Variants in CSMD1 observed in about 807,000 individuals in gnomAD.
CSMD1 encodes the protein CUB and Sushi multiple domains 1.
A neutral mutation model predicts 417.5 loss-of-function variants in CSMD1; 213 were observed. The ratio of observed to expected loss-of-function variants is 0.51; its 90% CI spans 0.46 to 0.57. The LOEUF is 0.57. Among genes scored for constraint, CSMD1 ranks in the 20% least tolerant of loss-of-function variants. CSMD1 has a pLI of 0.00. For missense variants in CSMD1, 6,923 were observed against 4,529.7 expected (o/e 1.53, Z -15.17); for synonymous variants, 2,862 against 1,736.8 (o/e 1.65, Z -16.11).
chr8:3,079,290 C>T (rs966714055), intron 49 of CSMD1, among the ~76,000 whole-genome samples: 1 of 152,156 alleles, frequency 6.6e-6, no homozygotes, highest in Non-Finnish European at 1.5e-5. Context: ...GACATAATGC[C>T]TACAACCTAT....
chr8:4,765,727 G>C (rs892602672), intron 1 of CSMD1, among the ~76,000 whole-genome samples: 15 of 152,186 alleles, frequency 9.9e-5, no homozygotes, highest in African/African-American at 3.1e-4. Context: ...CAGGCATCAA[G>C]AGGAGGAATT....
At chr8:3,289,511 C>T (rs535527699) in intron 25 of CSMD1, among the ~76,000 whole-genome samples, 5 of 145,008 alleles carry the variant, frequency 3.4e-5, no homozygotes, top group Non-Finnish European at 4.5e-5. Flanking sequence ...TGTTAATGAT[C>T]GCCATTCTAA....
At chr8:4,798,412 T>A (rs1798099982) in intron 1 of CSMD1, among the ~76,000 whole-genome samples, 1 of 152,200 alleles carries the variant, frequency 6.6e-6, no homozygotes, top group Non-Finnish European at 1.5e-5. Context: ...AATATTCTAA[T>A]TTTTAAGGGA....
chr8:4,314,743 A>C (rs1053642226), intron 3 of CSMD1, among the ~76,000 whole-genome samples: 6 of 152,286 alleles, frequency 3.9e-5, no homozygotes, highest in African/African-American at 9.6e-5. Flanking sequence ...TCTCATTTAC[A>C]CATCTGACCC....
intron 1 of CSMD1, among the ~76,000 whole-genome samples, chr8:4,662,759 G>C (rs759935234): frequency 3.9e-5 from 6 of 152,160 alleles, no homozygotes; most frequent in Non-Finnish European, 8.8e-5. Context: ...CGTTCCTATG[G>C]ATGATGCTCA....
rs189697307 is a variant in CSMD1, at chr8:4,903,338, A to G, written c.85+90994T>C. 3.9e-4 allele frequency among the ~76,000 whole-genome samples: 59 copies of G among 152,284 alleles called. 1 individual carries two copies. In the East Asian group the frequency reaches 9.9e-3, roughly 25 times the overall value. The stretch of plus-strand genomic sequence containing the variant: ...TTTATGGATAAAATTACCATCTTTG[A>G]TAAGTAGCTCTTAAATATACCCCTG... On this transcript the variant is annotated intron_variant, in intron 1 of 69. Coordinates refer to ENST00000635120, the MANE Select transcript of CSMD1 (RefSeq NM_033225.6).
chr8:4,022,021 A>T (rs2740931), intron 4 of CSMD1, among the ~76,000 whole-genome samples: 1 of 151,284 alleles, frequency 6.6e-6, no homozygotes, highest in African/African-American at 2.4e-5. Flanking sequence ...CCAACACTGG[A>T]AAGTCCAGGT....
At chr8:4,393,230 C>G (rs992591845) in intron 3 of CSMD1, among the ~76,000 whole-genome samples, 9 of 151,980 alleles carry the variant, frequency 5.9e-5, no homozygotes, top group African/African-American at 1.9e-4. Context: ...CCCACATCAG[C>G]CTCCCAAAGT....
intron 2 of CSMD1, among the ~76,000 whole-genome samples, chr8:4,434,685 A>G (rs945979073): frequency 7.9e-5 from 12 of 152,176 alleles, no homozygotes; most frequent in African/African-American, 2.9e-4. Flanking sequence ...ACTGGAAAGG[A>G]ACAAAGAGTA....
intron 49 of CSMD1, among the ~76,000 whole-genome samples, chr8:3,078,750 C>A (rs1032184339): frequency 1.3e-5 from 2 of 152,118 alleles, no homozygotes; most frequent in African/African-American, 4.8e-5. Context: ...CTACCATGAA[C>A]AAGAAGGGAA....
At chr8:3,790,932 T>A (rs142278300) in intron 5 of CSMD1, among the ~76,000 whole-genome samples, 2 of 152,302 alleles carry the variant, frequency 1.3e-5, no homozygotes, top group East Asian at 1.9e-4. Flanking sequence ...GAGCAACAGA[T>A]GACACCTGTC....
At chr8:3,885,305 A>C (rs1343217436) in intron 5 of CSMD1, among the ~76,000 whole-genome samples, 2 of 152,174 alleles carry the variant, frequency 1.3e-5, no homozygotes, top group Non-Finnish European at 2.9e-5. Context: ...TGACCTTTTC[A>C]GGGGTTTGTC....
intron 2 of CSMD1, among the ~76,000 whole-genome samples, chr8:4,523,099 G>T (rs1247188482): frequency 6.6e-6 from 1 of 152,130 alleles, no homozygotes; most frequent in Admixed American, 6.5e-5. Context: ...TTTGGTGGGT[G>T]GTAGTGGGCC....
At position 3,708,292 on chromosome 8, in the gene CSMD1, A is replaced by G. The variant is rs1801293236; in HGVS notation, c.1009+122T>C. 1.2e-5 allele frequency: 9 copies of G among 734,066 alleles called. No homozygotes were observed. In the East Asian group the frequency reaches 1.8e-4, roughly 15 times the overall value. 45.5% of individuals were successfully genotyped at this position (734,066 alleles called of 1,614,324 possible). A position where few individuals can be genotyped will look rare whatever the true frequency, so the allele number is the denominator to read the frequency against. ...TTTCTCCCAGAAAATACTTTTGGAT[A>G]TAGAAAAGAAGGAAGAGATAACGTG... On this transcript the variant is annotated intron_variant, in intron 7 of 69. Coordinates refer to ENST00000635120, the MANE Select transcript of CSMD1 (RefSeq NM_033225.6).
rs1343161912 is a variant in CSMD1, at chr8:4,724,503, T to C, written c.86-86945A>G. 4.2e-5 allele frequency among the ~76,000 whole-genome samples: 6 copies of C among 142,448 alleles called. No individual in the cohort carries two copies. In the South Asian group the frequency reaches 1.4e-3, roughly 33 times the overall value. 93.5% of individuals were successfully genotyped at this position (142,448 alleles called of 152,430 possible). On this transcript the variant is annotated intron_variant, in intron 1 of 69. Coordinates refer to ENST00000635120, the MANE Select transcript of CSMD1 (RefSeq NM_033225.6). ...TTCATCTTTATAAGTACTAATATAG[T>C]AGCTCTTTATATATATATGTGTGTG...
chr8:4,176,136 T>C (rs965215382), intron 3 of CSMD1, among the ~76,000 whole-genome samples: 2 of 152,014 alleles, frequency 1.3e-5, no homozygotes, highest in East Asian at 3.9e-4. Flanking sequence ...GCAGTCCACA[T>C]TTATAGGGGT....
At chr8:4,212,361 G>C (rs961211009) in intron 3 of CSMD1, among the ~76,000 whole-genome samples, 10 of 151,808 alleles carry the variant, frequency 6.6e-5, no homozygotes, top group Non-Finnish European at 1.3e-4. Flanking sequence ...CAATTAAAAG[G>C]CTTTACACAT....
At chr8:4,462,505 A>C (rs1021143664) in intron 2 of CSMD1, among the ~76,000 whole-genome samples, 1 of 152,190 alleles carries the variant, frequency 6.6e-6, no homozygotes, top group African/African-American at 2.4e-5. Flanking sequence ...CCTAAAATGC[A>C]TATGGATATT....
intron 5 of CSMD1, among the ~76,000 whole-genome samples, chr8:3,890,494 G>T (rs1018321977): frequency 1.3e-5 from 2 of 151,400 alleles, no homozygotes; most frequent in African/African-American, 4.9e-5. Context: ...ATGAAGGAAG[G>T]CATTGAGGCA....
Sources: gnomAD v4.1 joint callset for allele counts (sites outside exome capture counted in the v4.1 genomes callset) on GRCh38, gnomAD v4.1.1 for gene constraint, MANE v1.5 for transcripts, NCBI Gene and HGNC (gene_info 2026-07-23, HGNC 2026-07-21) for gene names.